ATP8A2: variants seen among roughly 807,000 people sequenced by gnomAD.
ATP8A2 encodes ATPase phospholipid transporting 8A2, also known as phospholipid-transporting ATPase IB.
Under a neutral mutation model 165.6 loss-of-function variants are expected in ATP8A2, and 100 were observed. That is an observed-to-expected ratio of 0.60 (90% confidence interval 0.51 to 0.71). The LOEUF is 0.71. ATP8A2 is among the 30% of genes least tolerant of loss of function. ATP8A2 has a pLI of 0.00. For missense variants in ATP8A2, 1,227 were observed against 1,479.5 expected (o/e 0.83, Z 2.80); for synonymous variants, 543 against 548.8 (o/e 0.99, Z 0.15).
At chr13:25,963,441 A>G (rs962552530) in intron 34 of ATP8A2, among the ~76,000 whole-genome samples, 1 of 152,080 alleles carries the variant, frequency 6.6e-6, no homozygotes, top group Non-Finnish European at 1.5e-5. Flanking sequence ...AAGAAAAGAA[A>G]GAAAATATTA....
At chr13:25,804,939 G>T (rs1950698254) in intron 27 of ATP8A2, among the ~76,000 whole-genome samples, 1 of 152,136 alleles carries the variant, frequency 6.6e-6, no homozygotes, top group African/African-American at 2.4e-5. Context: ...TTTTAGCATT[G>T]TTTAATAGTT....
intron 28 of ATP8A2, among the ~76,000 whole-genome samples, chr13:25,834,000 C>CACAGA (rs1951544674): frequency 6.6e-6 from 1 of 152,190 alleles, no homozygotes; most frequent in Non-Finnish European, 1.5e-5. Context: ...GTAGACATTT[C>CACAGA]ACAGAACTGC....
At chr13:25,956,373 A>G (rs1044589139) in intron 33 of ATP8A2, among the ~76,000 whole-genome samples, 2 of 152,216 alleles carry the variant, frequency 1.3e-5, no homozygotes, top group African/African-American at 2.4e-5. Flanking sequence ...AGAAAACCCC[A>G]TCATCTCAGC....
chr13:25,611,031 C>T (rs753542253), intron 24 of ATP8A2, among the ~76,000 whole-genome samples: 5 of 151,752 alleles, frequency 3.3e-5, no homozygotes, highest in Admixed American at 3.3e-4. Flanking sequence ...TTTGTCAGTT[C>T]TAGGGGCTTT....
At chr13:25,699,367 A>G (rs2042903937) in intron 25 of ATP8A2, 22 bp downstream of exon 25, 1 of 1,577,960 alleles carries the variant, frequency 6.3e-7, no homozygotes, top group Non-Finnish European at 8.6e-7. Context: ...CAGGCTGTGC[A>G]CAGTTCACAC....
chr13:25,837,019 T>C, intron 28 of ATP8A2, 144 bp from the exon 29 acceptor site: 2 of 971,302 alleles, frequency 2.1e-6, no homozygotes, highest in Non-Finnish European at 3.0e-6. Flanking sequence ...ATTTCCTTTG[T>C]TTGGAGGGTG....
At chr13:25,979,040 C>T (rs781468718) in intron 35 of ATP8A2, among the ~76,000 whole-genome samples, 23 of 151,494 alleles carry the variant, frequency 1.5e-4, no homozygotes, top group Admixed American at 2.0e-4. Context: ...AGGCCCCTGA[C>T]GTGGTCTCTG....
chr13:25,753,580 A>G (rs1433005054), intron 25 of ATP8A2, among the ~76,000 whole-genome samples: 2 of 152,222 alleles, frequency 1.3e-5, no homozygotes, highest in Admixed American at 6.5e-5. Flanking sequence ...GAAAACAGCA[A>G]ACATGGTGCT....
intron 25 of ATP8A2, among the ~76,000 whole-genome samples, chr13:25,709,457 T>G (rs1347202306): frequency 2.0e-5 from 3 of 152,206 alleles, no homozygotes; most frequent in Non-Finnish European, 4.4e-5. Flanking sequence ...TTTTGCCTCT[T>G]TACAGATGAT....
chr13:25,492,706 A>T (rs1188140730), intron 2 of ATP8A2, among the ~76,000 whole-genome samples: 1 of 152,190 alleles, frequency 6.6e-6, no homozygotes, highest in Non-Finnish European at 1.5e-5. Flanking sequence ...CGTTTCCCTC[A>T]ATTCTGAAAT....
At chr13:25,515,127 A>G (rs1434291890) in intron 2 of ATP8A2, among the ~76,000 whole-genome samples, 1 of 152,196 alleles carries the variant, frequency 6.6e-6, no homozygotes, top group African/African-American at 2.4e-5. Flanking sequence ...CTGCCCGACA[A>G]TCTTCAAACT....
chr13:25,844,565 AT>A (rs1256267345), intron 30 of ATP8A2, among the ~76,000 whole-genome samples: 2 of 152,010 alleles, frequency 1.3e-5, no homozygotes, highest in Non-Finnish European at 2.9e-5. Context: ...GAGAATGTAT[AT>A]CCTCCCCACC....
intron 33 of ATP8A2, among the ~76,000 whole-genome samples, chr13:25,882,142 T>C (rs1387475499): frequency 6.6e-6 from 1 of 152,138 alleles, no homozygotes; most frequent in East Asian, 1.9e-4. Flanking sequence ...GCAGGGGCCA[T>C]TGGACGTAAA....
At chr13:25,943,230 A>C (rs74493061) in intron 33 of ATP8A2, among the ~76,000 whole-genome samples, 16,931 of 152,154 alleles carry the variant, frequency 0.11, 1,024 homozygotes, top group African/African-American at 0.15. Context: ...TGCAAGCTTG[A>C]AATCCCTGGA....
chr13:25,718,425 T>A (rs1326477325), intron 25 of ATP8A2, among the ~76,000 whole-genome samples: 1 of 152,182 alleles, frequency 6.6e-6, no homozygotes, highest in Non-Finnish European at 1.5e-5. Flanking sequence ...ATTCTGAGTC[T>A]CTTGGTTCAT....
intron 34 of ATP8A2, among the ~76,000 whole-genome samples, chr13:25,962,867 G>A (rs953221507): frequency 6.6e-6 from 1 of 152,140 alleles, no homozygotes; most frequent in African/African-American, 2.4e-5. Context: ...TGCAAATCTA[G>A]ATAGAGGGGG....
intron 16 of ATP8A2, among the ~76,000 whole-genome samples, chr13:25,565,928 G>T (rs925275971): frequency 1.3e-5 from 2 of 151,970 alleles, no homozygotes; most frequent in African/African-American, 4.8e-5. Flanking sequence ...AGTTAAGTCA[G>T]TATAAATTAG....
chr13:25,619,547 A>T (rs1275914294), intron 24 of ATP8A2, among the ~76,000 whole-genome samples: 2 of 152,188 alleles, frequency 1.3e-5, no homozygotes, highest in Non-Finnish European at 2.9e-5. Context: ...ACAGACAGTA[A>T]CCCTAGGGAT....
At chr13:25,842,144 A>G (rs1566193563) in intron 30 of ATP8A2, among the ~76,000 whole-genome samples, 1 of 152,218 alleles carries the variant, frequency 6.6e-6, no homozygotes. Flanking sequence ...TAAACCATAG[A>G]TAAAATGCTA....
Sources: allele counts gnomAD v4.1 joint callset (sites outside exome capture counted in the v4.1 genomes callset), GRCh38; gene constraint gnomAD v4.1.1; transcripts MANE v1.5; gene names NCBI Gene and HGNC (gene_info 2026-07-23, HGNC 2026-07-21).